The following MAGI1 variants were observed in gnomAD, a reference collection of about 807,000 sequenced individuals.
MAGI1 encodes membrane associated guanylate kinase, WW and PDZ domain containing 1.
Under a neutral mutation model 139.9 loss-of-function variants are expected in MAGI1, and 58 were observed. The ratio of observed to expected loss-of-function variants is 0.41; its 90% CI spans 0.34 to 0.52. The LOEUF (loss-of-function observed/expected upper bound fraction) is 0.52, where lower values mean the gene tolerates loss of function less well. Ranked by LOEUF, MAGI1 falls within the 20% of genes least tolerant of loss-of-function variation. The probability of loss-of-function intolerance (pLI) is 0.12; values close to 1 mark genes in which losing one functional copy is unlikely to be tolerated. For synonymous variants in MAGI1, 812 were observed against 737.9 expected (o/e 1.10, Z -1.63); for missense variants, 1,874 against 1,901.6 (o/e 0.99, Z 0.27).
chr3:65,676,805 T>C (rs909646614), intron 1 of MAGI1, among the ~76,000 whole-genome samples: 18 of 152,212 alleles, frequency 1.2e-4, no homozygotes, highest in African/African-American at 4.3e-4. Context: ...TTTGAATCTG[T>C]CAATGAATCA....
intron 14 of MAGI1, among the ~76,000 whole-genome samples, chr3:65,385,430 T>C (rs1310496196): frequency 1.3e-5 from 2 of 152,198 alleles, no homozygotes; most frequent in African/African-American, 4.8e-5. Context: ...TTTAATTAAC[T>C]GGATTTGGGG....
chr3:65,454,522 A>T (rs1949251831), intron 5 of MAGI1, among the ~76,000 whole-genome samples: 2 of 39,580 alleles, frequency 5.1e-5, no homozygotes, highest in South Asian at 2.8e-3. Context: ...CCTAAAACTG[A>T]AAGTATAATA....
chr3:65,817,222 G>A (rs12635002), intron 1 of MAGI1, among the ~76,000 whole-genome samples: 94,741 of 151,972 alleles, frequency 0.62, 29,998 homozygotes, highest in East Asian at 0.93. Context: ...TTTTGATATA[G>A]AACTATATGC....
At chr3:65,402,552 C>A (rs1232810782) in intron 12 of MAGI1, among the ~76,000 whole-genome samples, 1 of 152,146 alleles carries the variant, frequency 6.6e-6, no homozygotes, top group Non-Finnish European at 1.5e-5. Context: ...CAGATTCTAT[C>A]TGTATAAAGC....
At chr3:65,807,656 T>TACC (rs2040947974) in intron 1 of MAGI1, among the ~76,000 whole-genome samples, 1 of 152,144 alleles carries the variant, frequency 6.6e-6, no homozygotes, top group Non-Finnish European at 1.5e-5. Flanking sequence ...CAACCGGCTA[T>TACC]TCCAAACAGA....
chr3:65,545,988 A>G (rs1410122647), intron 2 of MAGI1, among the ~76,000 whole-genome samples: 1 of 143,228 alleles, frequency 7.0e-6, no homozygotes, highest in East Asian at 2.0e-4. Context: ...ACACACACAC[A>G]CACACGCACA....
At chr3:65,562,400 T>C (rs1410377576) in intron 2 of MAGI1, among the ~76,000 whole-genome samples, 1 of 152,204 alleles carries the variant, frequency 6.6e-6, no homozygotes, top group Non-Finnish European at 1.5e-5. Flanking sequence ...ACACTATGCA[T>C]CTTAGAATTG....
intron 1 of MAGI1, chr3:65,874,440 T>G (rs959408611): frequency 2.0e-5 from 3 of 152,232 alleles, no homozygotes; most frequent in Non-Finnish European, 2.9e-5. Flanking sequence ...CATATAACAC[T>G]ATTTTTAAAT....
intron 4 of MAGI1, among the ~76,000 whole-genome samples, chr3:65,470,835 C>A (rs889800141): frequency 2.6e-5 from 4 of 152,188 alleles, no homozygotes; most frequent in African/African-American, 7.2e-5. Flanking sequence ...TGGATCTGCA[C>A]CCTCATTCCA....
At chr3:66,013,918 C>A (rs889186484) in intron 1 of MAGI1, among the ~76,000 whole-genome samples, 4 of 152,132 alleles carry the variant, frequency 2.6e-5, no homozygotes, top group Non-Finnish European at 2.9e-5. Context: ...TACTCATACA[C>A]CTGACGAAAA....
chr3:65,724,959 A>T (rs1312823220), intron 1 of MAGI1, among the ~76,000 whole-genome samples: 1 of 152,144 alleles, frequency 6.6e-6, no homozygotes, highest in African/African-American at 2.4e-5. Context: ...TCAAGACGAA[A>T]TCTGGGTGGG....
chr3:65,657,670 T>G (rs1015823137), intron 1 of MAGI1, among the ~76,000 whole-genome samples: 2 of 152,232 alleles, frequency 1.3e-5, no homozygotes, highest in South Asian at 2.1e-4. Context: ...AAATTTTTTT[T>G]GTTTGTTTCC....
chr3:65,420,003 C>T (rs1946527694), intron 12 of MAGI1, among the ~76,000 whole-genome samples: 1 of 152,134 alleles, frequency 6.6e-6, no homozygotes, highest in South Asian at 2.1e-4. Context: ...CTGCCGTGAT[C>T]CTCTGTCTGC....
intron 1 of MAGI1, among the ~76,000 whole-genome samples, chr3:65,890,581 A>C (rs765103661): frequency 3.3e-5 from 5 of 152,364 alleles, no homozygotes; most frequent in Middle Eastern, 6.8e-3. Flanking sequence ...TTGCAAGAAC[A>C]TTCCAACTTT....
intron 1 of MAGI1, among the ~76,000 whole-genome samples, chr3:66,026,246 G>C (rs900993145): frequency 2.0e-5 from 3 of 152,170 alleles, no homozygotes; most frequent in East Asian, 3.9e-4. Flanking sequence ...AGCAACAGGC[G>C]CAAGCAGATG....
At chr3:65,750,766 G>A (rs961386770) in intron 1 of MAGI1, among the ~76,000 whole-genome samples, 5 of 152,128 alleles carry the variant, frequency 3.3e-5, no homozygotes, top group Admixed American at 6.6e-5. Context: ...TTTTACATAC[G>A]CTGAAAGTTG....
chr3:65,383,356 T>G (rs1943201652), intron 15 of MAGI1, among the ~76,000 whole-genome samples, 176 bp downstream of exon 15: 1 of 152,238 alleles, frequency 6.6e-6, no homozygotes, highest in Non-Finnish European at 1.5e-5. Flanking sequence ...TCTAGTCTCT[T>G]CTTCCTCAAG....
intron 1 of MAGI1, among the ~76,000 whole-genome samples, chr3:65,972,416 T>G (rs1258329553): frequency 6.6e-6 from 1 of 152,028 alleles, no homozygotes; most frequent in Non-Finnish European, 1.5e-5. Flanking sequence ...CTAAGACATA[T>G]GCCTGTGACA....
At chr3:65,468,036 T>A (rs1950279546) in intron 5 of MAGI1, among the ~76,000 whole-genome samples, 3 of 152,194 alleles carry the variant, frequency 2.0e-5, no homozygotes, top group Admixed American at 1.3e-4. Context: ...CTTACAACAG[T>A]CTGACAAGGT....
Sources: allele counts gnomAD v4.1 joint callset (sites outside exome capture counted in the v4.1 genomes callset), GRCh38; gene constraint gnomAD v4.1.1; transcripts MANE v1.5; gene names NCBI Gene and HGNC (gene_info 2026-07-23, HGNC 2026-07-21).